Variants in SCNN1A observed in about 807,000 individuals in gnomAD.
SCNN1A encodes the protein epithelial sodium channel subunit alpha.
Under a neutral mutation model 68.6 loss-of-function variants are expected in SCNN1A, and 65 were observed. That is an observed-to-expected ratio of 0.95 (90% CI 0.78 to 1.16). SCNN1A has a LOEUF of 1.16. Among genes scored for constraint, SCNN1A ranks in the 50% most tolerant of loss-of-function variants. The probability of loss-of-function intolerance (pLI) is 0.00; values close to 1 mark genes in which losing one functional copy is unlikely to be tolerated. For synonymous variants in SCNN1A, 357 were observed against 353.3 expected, an observed-to-expected ratio of 1.01 and a Z score of -0.12; for missense variants, 880 against 865.9, an observed-to-expected ratio of 1.02 and a Z score of -0.20.
chr12:6,360,790 T>C (rs938793044), intron 4 of SCNN1A, among the ~76,000 whole-genome samples: 1 of 147,674 alleles, frequency 6.8e-6, no homozygotes, highest in Non-Finnish European at 1.5e-5. Context: ...GACCCCCCCC[T>C]CGCCTCAGCC....
chr12:6,359,391 T>G (rs1394419132), intron 4 of SCNN1A, among the ~76,000 whole-genome samples: 1 of 152,162 alleles, frequency 6.6e-6, no homozygotes. Context: ...CTGAACGATT[T>G]TAAACAGGAG....
At chr12:6,375,624 G>A (rs1411271111), upstream of SCNN1A, 4 of 1,498,640 alleles carry the variant, frequency 2.7e-6, no homozygotes, top group South Asian at 1.2e-5. Flanking sequence ...GGGCTGAGGA[G>A]GAGTCAGAGC....
intron 4 of SCNN1A, 32 bp from the exon 5 acceptor site, chr12:6,355,912 G>A (rs1948489070): frequency 7.6e-7 from 1 of 1,323,242 alleles, no homozygotes; most frequent in Non-Finnish European, 1.1e-6. Flanking sequence ...GGGTCAGAGA[G>A]GAAAGTGTAG....
chr12:6,376,074 C>G (rs2136917718), upstream of SCNN1A: 1 of 990,504 alleles, frequency 1.0e-6, no homozygotes, highest in African/African-American at 1.7e-5. Context: ...GAGCTAGAGG[C>G]TCAGCAAGTG....
At position 6,374,718 on chromosome 12, in the gene SCNN1A, C is replaced by G. The variant is rs1361575245; in HGVS notation, c.66G>C (p.Lys22Asn). ...SPPQSTPGLM[K>N]GNKREEQGLG... The stretch of plus-strand genomic sequence containing the variant: ...GCCCCTGCTCCTCACGCTTGTTCCC[C>G]TTCATGAGCCCTGGAGTGGACTGTG... Residue 22 changes from lysine (K) to asparagine (N), a missense_variant, in exon 2 of 13, where the codon AAG becomes AAC. Around this residue, in one of 3 missense-constraint regions of SCNN1A, gnomAD observed 77 missense variants for 67.4 expected, o/e 1.14. Coordinates refer to ENST00000228916, the MANE Select transcript of SCNN1A (RefSeq NM_001038.6). This position sits in a 1 kb window ranked among gnomAD's most constrained non-coding sequence, Gnocchi z 6.2. The G allele has an allele frequency of 2.5e-6, 4 of 1,614,026 alleles. No individual in the cohort carries two copies. Among genetic ancestry groups the G allele is most frequent in the Non-Finnish European group, 3.4e-6 (4 of 1,180,032 alleles).
chr12:6,362,719 A>C (rs778550636), intron 3 of SCNN1A, among the ~76,000 whole-genome samples: 1 of 150,936 alleles, frequency 6.6e-6, no homozygotes, highest in Non-Finnish European at 1.5e-5. Context: ...TCACTCTGTC[A>C]CTCAGGCTGG....
At chr12:6,370,047 C>T (rs777452710) in intron 2 of SCNN1A, among the ~76,000 whole-genome samples, 2 of 152,184 alleles carry the variant, frequency 1.3e-5, no homozygotes, top group Admixed American at 6.5e-5. Context: ...TCCAGACAGT[C>T]CAGCCCTTCT....
chr12:6,367,981 G>A (rs1948709021), intron 2 of SCNN1A, among the ~76,000 whole-genome samples: 1 of 152,200 alleles, frequency 6.6e-6, no homozygotes, highest in Non-Finnish European at 1.5e-5. Context: ...ACTTCTCACA[G>A]GAGAAAATGT....
In SCNN1A at chr12:6,347,879, C is replaced by T. The variant is rs539360032; in HGVS notation, c.2004G>A (p.Gly668=). ...GASSSTCPLG[G]P Reference sequence around the variant, plus strand: ...AGAAACCTCTCCTTCCCTCTCAGGGCCCCCCCAGAGGACAGGTGGAGGAAC... The same window carrying T: ...AGAAACCTCTCCTTCCCTCTCAGGGTCCCCCCAGAGGACAGGTGGAGGAAC... Residue 668 remains glycine, a synonymous_variant, in exon 13 of 13, where the codon GGG becomes GGA. Coordinates refer to ENST00000228916, the MANE Select transcript of SCNN1A (RefSeq NM_001038.6). 9 of 1,597,614 alleles carry T rather than the reference C, an allele frequency of 5.6e-6. No individual in the cohort carries two copies. The highest frequency in any genetic ancestry group is 1.3e-5 in the African/African-American group (1 of 74,614).
intron 1 of SCNN1A, 115 bp downstream of exon 1, chr12:6,375,390 T>G: frequency 6.7e-7 from 1 of 1,489,678 alleles, no homozygotes; most frequent in Non-Finnish European, 8.9e-7. Context: ...GCCCCAGGAC[T>G]GCAGGGCTCC....
intron 4 of SCNN1A, 49 bp downstream of exon 4, chr12:6,362,002 A>T: frequency 9.4e-6 from 15 of 1,595,016 alleles, no homozygotes; most frequent in Non-Finnish European, 1.3e-5. Context: ...AGGCTGACCC[A>T]GGGAAGCGGA....
At chr12:6,370,186 A>G (rs1370332356) in intron 2 of SCNN1A, among the ~76,000 whole-genome samples, 1 of 152,144 alleles carries the variant, frequency 6.6e-6, no homozygotes, top group Non-Finnish European at 1.5e-5. Flanking sequence ...TCCCCATTTT[A>G]CAGTTGAGGA....
chr12:6,370,721 C>T (rs570070836), intron 2 of SCNN1A, among the ~76,000 whole-genome samples: 118 of 152,332 alleles, frequency 7.7e-4, no homozygotes, highest in African/African-American at 2.4e-3. Context: ...CAGGCAGGGA[C>T]GGCCTCCCTA....
rs1948849077 is a variant in SCNN1A at position 6,374,104 on chromosome 12, G to C, written c.416+264C>G. 6.6e-6 allele frequency among the ~76,000 whole-genome samples: 1 copy of C among 152,222 alleles called. No homozygotes were observed. Among genetic ancestry groups the C allele is most frequent in the Non-Finnish European group, 1.5e-5 (1 of 68,034 alleles). On this transcript the variant is annotated intron_variant, in intron 2 of 12. Transcript: ENST00000228916. This position sits in a 1 kb window ranked among gnomAD's most constrained non-coding sequence, Gnocchi z 6.2. Reference sequence around the variant, plus strand: ...GAGGGAGAAGGGAATGGGAGGGAAGGAGAAGAGAGGGCAGGGGAGGGCAAT... The same window carrying C: ...GAGGGAGAAGGGAATGGGAGGGAAGCAGAAGAGAGGGCAGGGGAGGGCAAT...
chr12:6,347,884 C>T lies in SCNN1A; in HGVS notation c.1999G>A (p.Gly667Arg). The change falls in exon 13 of 13, where the codon GGG (glycine) becomes AGG (arginine). Residue 667 changes from glycine to arginine, a missense_variant. By Grantham distance (125) the Gly-to-Arg change is moderately radical. This residue lies in a region of SCNN1A where 758 missense variants were observed against 721.8 expected (regional missense o/e 1.05). Coordinates refer to ENST00000228916, the MANE Select transcript of SCNN1A (RefSeq NM_001038.6). ...CCTCTCCTTCCCTCTCAGGGCCCCC[C>T]CAGAGGACAGGTGGAGGAACTGGCC... ...AGASSSTCPL[G>R]GP The T allele has an allele frequency of 1.2e-6, 2 of 1,602,396 alleles. No individual in the cohort carries two copies. Among genetic ancestry groups the T allele is most frequent in the East Asian group, 2.2e-5 (1 of 44,748 alleles).
upstream of SCNN1A, chr12:6,377,357 G>A (rs138378091): frequency 8.5e-7 from 1 of 1,173,724 alleles, no homozygotes; most frequent in Non-Finnish European, 1.2e-6. Flanking sequence ...GTTTTCTGAG[G>A]TTAGAAAACA....
intron 2 of SCNN1A, among the ~76,000 whole-genome samples, chr12:6,373,651 C>T (rs1565487735): frequency 1.3e-5 from 2 of 152,142 alleles, no homozygotes; most frequent in Non-Finnish European, 1.5e-5. Flanking sequence ...CAAAGAGCAC[C>T]GATGAAACCC....
chr12:6,364,942 A>G (rs1324446827), intron 2 of SCNN1A, among the ~76,000 whole-genome samples: 2 of 152,156 alleles, frequency 1.3e-5, no homozygotes, highest in African/African-American at 4.8e-5. Context: ...ATATATTGAA[A>G]TCCCTGCTGA....
At chr12:6,370,698 C>A (rs530644156) in intron 2 of SCNN1A, among the ~76,000 whole-genome samples, 1 of 152,336 alleles carries the variant, frequency 6.6e-6, no homozygotes, top group Non-Finnish European at 1.5e-5. Context: ...CTGCCCGCCA[C>A]GTCTGGGGAC....
Sources: gnomAD v4.1 joint callset for allele counts (sites outside exome capture counted in the v4.1 genomes callset) on GRCh38, gnomAD v4.1.1 for gene constraint, gnomAD v4.1.1 regional missense constraint, Gnocchi (gnomAD v3.1) non-coding constraint, MANE v1.5 for transcripts, NCBI Gene and HGNC (gene_info 2026-07-23, HGNC 2026-07-21) for gene names.